The following DTNBP1 variants were observed in gnomAD, a reference collection of about 807,000 sequenced individuals.
DTNBP1 encodes dysbindin.
In DTNBP1, 35 loss-of-function variants were observed where a neutral mutation model predicts 42.8. The ratio of observed to expected loss-of-function variants is 0.82; its 90% confidence interval spans 0.63 to 1.09. The LOEUF is 1.09. Among genes scored for constraint, DTNBP1 ranks in the 50% least tolerant of loss-of-function variants. The pLI, the probability that DTNBP1 is intolerant of heterozygous loss-of-function variation, is 0.00. For missense variants in DTNBP1, 457 were observed against 424.2 expected (o/e 1.08, Z -0.68); for synonymous variants, 171 against 162.2 (o/e 1.05, Z -0.41).
At chr6:15,588,620 A>G (rs1776172424) in intron 7 of DTNBP1, among the ~76,000 whole-genome samples, 1 of 152,242 alleles carries the variant, frequency 6.6e-6, no homozygotes, top group African/African-American at 2.4e-5. Flanking sequence ...GTTCCTGTGT[A>G]TGGCATTCAA....
At chr6:15,627,286 C>A (rs1289858267) in intron 5 of DTNBP1, 57 bp downstream of exon 5, 19 of 1,602,690 alleles carry the variant, frequency 1.2e-5, no homozygotes, top group Non-Finnish European at 1.4e-5. Flanking sequence ...TACACCAAAC[C>A]CTGCCCAAGT....
chr6:15,553,594 C>CTTTTTTT (rs56173414), intron 7 of DTNBP1, among the ~76,000 whole-genome samples: 2 of 72,966 alleles, frequency 2.7e-5, no homozygotes, highest in Middle Eastern at 0.012. Context: ...GACAAGTGAG[C>CTTTTTTT]TTTTTTTTTT....
At chr6:15,530,351 C>A (rs1042974740) in intron 8 of DTNBP1, among the ~76,000 whole-genome samples, 3 of 152,168 alleles carry the variant, frequency 2.0e-5, no homozygotes, top group African/African-American at 7.2e-5. Flanking sequence ...AAGCCCAGGG[C>A]CGCCAATTTT....
At chr6:15,542,111 T>C (rs1281568359) in intron 7 of DTNBP1, among the ~76,000 whole-genome samples, 2 of 152,208 alleles carry the variant, frequency 1.3e-5, no homozygotes, top group African/African-American at 4.8e-5. Flanking sequence ...CTAACTTCAA[T>C]ATTTACAATT....
chr6:15,595,113 T>G, intron 6 of DTNBP1: 2 of 456,312 alleles, frequency 4.4e-6, no homozygotes, highest in South Asian at 3.1e-5. Flanking sequence ...GACCCACAAC[T>G]CCACAACTGT....
At chr6:15,526,523 G>C (rs1159051339) in intron 8 of DTNBP1, among the ~76,000 whole-genome samples, 1 of 152,196 alleles carries the variant, frequency 6.6e-6, no homozygotes, top group East Asian at 1.9e-4. Context: ...TTATGGTTTA[G>C]ATGATCCCAT....
intron 5 of DTNBP1, among the ~76,000 whole-genome samples, chr6:15,623,377 T>C (rs1759153299): frequency 6.6e-6 from 1 of 152,214 alleles, no homozygotes; most frequent in African/African-American, 2.4e-5. Flanking sequence ...TAAGAATTCT[T>C]ATCTAAGAGT....
chr6:15,537,243 CA>C (rs565815102), intron 7 of DTNBP1, among the ~76,000 whole-genome samples: 22,980 of 151,104 alleles, frequency 0.15, 2,590 homozygotes, highest in African/African-American at 0.31. Context: ...ACATGGTGGT[CA>C]TGTATTTTTT....
intron 4 of DTNBP1, among the ~76,000 whole-genome samples, 176 bp from the exon 5 acceptor site, chr6:15,627,651 T>C (rs897742948): frequency 6.6e-6 from 1 of 152,138 alleles, no homozygotes; most frequent in African/African-American, 2.4e-5. Context: ...CAACTTAATA[T>C]TCAGTGCAGG....
At chr6:15,648,805 A>G (rs1760828503) in intron 3 of DTNBP1, among the ~76,000 whole-genome samples, 1 of 152,110 alleles carries the variant, frequency 6.6e-6, no homozygotes, top group Non-Finnish European at 1.5e-5. Flanking sequence ...ATCTGTAATA[A>G]GCAAAATGAC....
intron 5 of DTNBP1, 151 bp downstream of exon 5, chr6:15,627,192 T>G (rs1759396066): frequency 3.0e-6 from 3 of 990,836 alleles, no homozygotes; most frequent in Non-Finnish European, 3.0e-6. Flanking sequence ...TGTGGAATCC[T>G]CAACTAATCA....
intron 7 of DTNBP1, among the ~76,000 whole-genome samples, chr6:15,543,775 T>C (rs1326455442): frequency 6.6e-6 from 1 of 152,168 alleles, no homozygotes; most frequent in African/African-American, 2.4e-5. Context: ...ACCTGTTCTG[T>C]AACTGTCCTT....
chr6:15,539,712 G>A (rs1338089825), intron 7 of DTNBP1, among the ~76,000 whole-genome samples: 3 of 152,178 alleles, frequency 2.0e-5, no homozygotes, highest in Non-Finnish European at 2.9e-5. Context: ...ATCCTGGTAC[G>A]ACGGCACATC....
chr6:15,590,389 T>C (rs1260440143), intron 7 of DTNBP1, among the ~76,000 whole-genome samples: 1 of 152,198 alleles, frequency 6.6e-6, no homozygotes, highest in Non-Finnish European at 1.5e-5. Context: ...CTTTCCTCCT[T>C]TAAACTCTCC....
intron 7 of DTNBP1, among the ~76,000 whole-genome samples, chr6:15,544,485 A>C (rs1773761072): frequency 6.6e-6 from 1 of 152,228 alleles, no homozygotes; most frequent in Non-Finnish European, 1.5e-5. Context: ...GGAACTGCCA[A>C]ACTCTTTTCC....
At chr6:15,605,532 G>A (rs1757996060) in intron 6 of DTNBP1, among the ~76,000 whole-genome samples, 2 of 152,006 alleles carry the variant, frequency 1.3e-5, no homozygotes, top group African/African-American at 4.8e-5. Context: ...TATTTCCTTT[G>A]AGGTTTATAT....
At chr6:15,621,017 T>G (rs533801624) in intron 5 of DTNBP1, among the ~76,000 whole-genome samples, 1 of 152,324 alleles carries the variant, frequency 6.6e-6, no homozygotes, top group East Asian at 1.9e-4. Context: ...ATAAAAGTGA[T>G]TGAAAACTAA....
intron 4 of DTNBP1, 135 bp downstream of exon 4, chr6:15,637,605 TAATC>T: frequency 1.1e-6 from 1 of 913,668 alleles, no homozygotes; most frequent in Non-Finnish European, 1.7e-6. Context: ...GGGAGTTTCA[TAATC>T]AACGACTAGA....
At chr6:15,532,172 G>A (rs531086388) in intron 8 of DTNBP1, among the ~76,000 whole-genome samples, 38 of 152,322 alleles carry the variant, frequency 2.5e-4, no homozygotes, top group South Asian at 1.4e-3. Context: ...GGGTCTCCCC[G>A]CTGCCGGGGG....
Sources: gnomAD v4.1 joint callset for allele counts (sites outside exome capture counted in the v4.1 genomes callset) on GRCh38, gnomAD v4.1.1 for gene constraint, MANE v1.5 for transcripts, NCBI Gene and HGNC (gene_info 2026-07-23, HGNC 2026-07-21) for gene names.